PIP5K1C: variants seen among roughly 807,000 people sequenced by gnomAD.
PIP5K1C encodes phosphatidylinositol 4-phosphate 5-kinase type-1 gamma.
A neutral mutation model predicts 80.1 loss-of-function variants in PIP5K1C; 45 were observed. That is an observed-to-expected ratio of 0.56 (90% CI 0.44 to 0.72). The LOEUF is 0.72. Ranked by LOEUF, PIP5K1C falls within the 30% of genes least tolerant of loss-of-function variation. The pLI is 0.00. For synonymous variants in PIP5K1C, 498 were observed against 420.1 expected (o/e 1.19, Z -2.27); for missense variants, 753 against 954.6 (o/e 0.79, Z 2.78).
Position 3,700,427 on chromosome 19 carries a change from G to T in PIP5K1C, c.-37C>A, listed in dbSNP as rs529154599. 1.4e-4 allele frequency: 147 copies of T among 1,033,560 alleles called. No homozygotes were observed. Among genetic ancestry groups the T allele is most frequent in the African/African-American group, 3.8e-4 (22 of 57,766 alleles). The allele number at this position is 1,033,560 out of a possible 1,614,324, so 64.0% of individuals were successfully genotyped here. ...GACGGCGGCGGGGGCGCCCGAGGGG[G>T]ACCCGAGCTGCGACCGCCGCCGCCG... On this transcript the variant is annotated 5_prime_UTR_variant, in exon 1 of 18. Coordinates refer to ENST00000335312, the MANE Select transcript of PIP5K1C (RefSeq NM_012398.3).
At chr19:3,641,198 G>A (rs376399650) in intron 15 of PIP5K1C, among the ~76,000 whole-genome samples, 16 of 151,760 alleles carry the variant, frequency 1.1e-4, no homozygotes, top group African/African-American at 3.1e-4. Flanking sequence ...CTGGGCAAGA[G>A]AGCAATATCC....
chr19:3,666,625 G>A (rs569120477), intron 2 of PIP5K1C, among the ~76,000 whole-genome samples: 46 of 148,092 alleles, frequency 3.1e-4, no homozygotes, highest in Non-Finnish European at 6.1e-4. Context: ...GTAGGCAAAT[G>A]AACACAGGCA....
chr19:3,699,804 G>A (rs1166950173), intron 1 of PIP5K1C, among the ~76,000 whole-genome samples: 1 of 152,212 alleles, frequency 6.6e-6, no homozygotes, highest in Non-Finnish European at 1.5e-5. Flanking sequence ...GCACAGCCGG[G>A]GCGGTGGAGG....
intron 3 of PIP5K1C, among the ~76,000 whole-genome samples, chr19:3,663,009 C>T (rs1354505755): frequency 6.6e-6 from 1 of 151,942 alleles, no homozygotes; most frequent in Non-Finnish European, 1.5e-5. Context: ...TACAGGCACG[C>T]ACCAGCACAC....
intron 1 of PIP5K1C, among the ~76,000 whole-genome samples, chr19:3,695,970 AT>A (rs942159850): frequency 2.6e-5 from 4 of 151,984 alleles, no homozygotes; most frequent in African/African-American, 9.7e-5. Context: ...AGATCAAGTG[AT>A]CCTCCTGCTT....
intron 16 of PIP5K1C, chr19:3,636,347 C>T: frequency 1.0e-6 from 1 of 974,406 alleles, no homozygotes; most frequent in Non-Finnish European, 1.2e-6. Flanking sequence ...AGCACTCAGG[C>T]CTTGGGGTGC....
chr19:3,659,090 G>T (rs1185728999), intron 5 of PIP5K1C, among the ~76,000 whole-genome samples: 2 of 152,156 alleles, frequency 1.3e-5, no homozygotes, highest in Non-Finnish European at 1.5e-5. Context: ...TACCAGGGGG[G>T]ACTGTGACCT....
intron 12 of PIP5K1C, among the ~76,000 whole-genome samples, chr19:3,643,594 G>A (rs546174627): frequency 2.0e-4 from 30 of 152,044 alleles, no homozygotes; most frequent in African/African-American, 7.2e-4. Context: ...AGACAGCCCA[G>A]AGGGCCCTGT....
intron 1 of PIP5K1C, among the ~76,000 whole-genome samples, chr19:3,697,857 C>A (rs879832861): frequency 2.0e-5 from 3 of 152,260 alleles, no homozygotes; most frequent in Non-Finnish European, 4.4e-5. Flanking sequence ...CAAGCCCCGG[C>A]CTTCCCGAGA....
intron 1 of PIP5K1C, among the ~76,000 whole-genome samples, chr19:3,698,845 G>A (rs2036204960): frequency 6.6e-6 from 1 of 152,096 alleles, no homozygotes; most frequent in African/African-American, 2.4e-5. Context: ...ACATTCAGAA[G>A]CAGTATATGG....
intron 6 of PIP5K1C, among the ~76,000 whole-genome samples, chr19:3,656,009 C>A (rs943175652): frequency 4.6e-5 from 7 of 152,236 alleles, no homozygotes; most frequent in Admixed American, 3.9e-4. Flanking sequence ...CCATCCCCCT[C>A]CTCTCTGGAA....
chr19:3,670,275 C>CGGT (rs2035163588), intron 1 of PIP5K1C, among the ~76,000 whole-genome samples: 3 of 152,184 alleles, frequency 2.0e-5, no homozygotes, highest in African/African-American at 7.2e-5. Context: ...CAGCCTGCAA[C>CGGT]CGTATTTGGA....
chr19:3,633,057 C>A lies in PIP5K1C; in HGVS notation c.*110G>T. 3.0e-6 allele frequency: 2 copies of A among 675,664 alleles called. No homozygotes were observed. The highest frequency in any genetic ancestry group is 1.6e-5 in the South Asian group (1 of 62,800). The allele number at this position is 675,664 out of a possible 1,614,324, so 41.9% of individuals were successfully genotyped here. The stretch of plus-strand genomic sequence containing the variant: ...AGGGGGAGGACGAGGTCCGGTGGGG[C>A]GGCGAGGCGGGCATCTCCCGAGCTC... On this transcript the variant is annotated 3_prime_UTR_variant, in exon 18 of 18. Transcript: ENST00000335312.
At position 3,646,014 on chromosome 19, in the gene PIP5K1C, A is replaced by G; in HGVS notation, c.1305T>C (p.Phe435=). The stretch of plus-strand genomic sequence containing the variant: ...AGACCGTGTTGCTCATGAACTTGAA[A>G]AAGCGCTCGGCATAGAAGCTGGGGC... ...VHRPSFYAER[F]FKFMSNTVFR... The change falls in exon 11 of 18, where the codon TTT becomes TTC. Residue 435 remains phenylalanine (F), a synonymous_variant. Transcript: ENST00000335312. 6.2e-7 allele frequency: 1 copy of G among 1,613,070 alleles called. No individual in the cohort carries two copies. The highest frequency in any genetic ancestry group is 1.1e-5 in the South Asian group (1 of 91,060).
chr19:3,689,202 C>T (rs569381597), intron 1 of PIP5K1C, among the ~76,000 whole-genome samples: 7 of 152,162 alleles, frequency 4.6e-5, no homozygotes, highest in Admixed American at 2.6e-4. Flanking sequence ...TAAAATAACA[C>T]GCCTTGAAAT....
At chr19:3,640,095 C>T (rs555317608) in intron 15 of PIP5K1C, among the ~76,000 whole-genome samples, 5 of 152,220 alleles carry the variant, frequency 3.3e-5, no homozygotes, top group South Asian at 4.1e-4. Flanking sequence ...CTGCTGTGAG[C>T]GCTAAAAAAG....
intron 1 of PIP5K1C, among the ~76,000 whole-genome samples, chr19:3,690,991 G>A (rs1407829903): frequency 6.6e-6 from 1 of 152,188 alleles, no homozygotes; most frequent in East Asian, 1.9e-4. Flanking sequence ...CCATTTTCCA[G>A]CTCTTGATAG....
At chr19:3,638,697 C>T (rs73532060) in intron 16 of PIP5K1C, among the ~76,000 whole-genome samples, 187 bp downstream of exon 16, 9 of 152,064 alleles carry the variant, frequency 5.9e-5, no homozygotes, top group Non-Finnish European at 1.2e-4. Context: ...TGGGTGTGAA[C>T]GTGGCTGGTG....
intron 1 of PIP5K1C, among the ~76,000 whole-genome samples, chr19:3,677,717 T>TGGGATGGAGGGATGG (rs150694746): frequency 0.15 from 14,913 of 101,736 alleles, 1,213 homozygotes; most frequent in African/African-American, 0.21. Flanking sequence ...GGAGGGATGG[T>TGGGATGGAGGGATGG]GGGATGGAGG....
Sources: allele counts gnomAD v4.1 joint callset (sites outside exome capture counted in the v4.1 genomes callset), GRCh38; gene constraint gnomAD v4.1.1; transcripts MANE v1.5; gene names NCBI Gene and HGNC (gene_info 2026-07-23, HGNC 2026-07-21).